ZKSCAN5: variants seen among roughly 807,000 people sequenced by gnomAD.
The protein encoded by ZKSCAN5 is zinc finger protein with KRAB and SCAN domains 5.
In ZKSCAN5, 28 loss-of-function variants were observed where a neutral mutation model predicts 60.0. That is an observed-to-expected ratio of 0.47 (90% CI 0.35 to 0.64). ZKSCAN5 has a LOEUF of 0.64. Among genes scored for constraint, ZKSCAN5 ranks in the 30% least tolerant of loss-of-function variants. The pLI, the probability that ZKSCAN5 is intolerant of heterozygous loss-of-function variation, is 0.01. For missense variants in ZKSCAN5, 881 were observed against 1,034.6 expected (o/e 0.85, Z 2.04); for synonymous variants, 361 against 371.2 (o/e 0.97, Z 0.31).
intron 3 of ZKSCAN5, among the ~76,000 whole-genome samples, chr7:99,513,992 C>T (rs1801158084): frequency 6.6e-6 from 1 of 152,164 alleles, no homozygotes; most frequent in Non-Finnish European, 1.5e-5. Flanking sequence ...TTGCAGTGAG[C>T]TGAGACCGTG....
At chr7:99,518,054 G>A (rs12533251) in intron 3 of ZKSCAN5, among the ~76,000 whole-genome samples, 27,209 of 151,980 alleles carry the variant, frequency 0.18, 3,937 homozygotes, top group African/African-American at 0.4. Flanking sequence ...TGGAAATTCT[G>A]GAAGGGATTT....
rs183577685 is a variant in ZKSCAN5, at chr7:99,507,665, T to G, written c.414+1207T>G. ...CTGTAATCCCAGCATTTTGGGCACC[T>G]GAGGTGGGAGGATCACTTAAGACCA... On this transcript the variant is annotated intron_variant, in intron 2 of 6. Transcript: ENST00000326775. Among the ~76,000 whole-genome samples the G allele has an allele frequency of 2.9e-3, 433 of 151,446 alleles. 1 individual carries two copies. Among genetic ancestry groups the G allele is most frequent in the African/African-American group, 0.01 (421 of 41,284 alleles).
intron 3 of ZKSCAN5, among the ~76,000 whole-genome samples, chr7:99,513,581 A>G (rs1326039012): frequency 6.6e-6 from 1 of 151,974 alleles, no homozygotes; most frequent in African/African-American, 2.4e-5. Context: ...TTTAGTAAAG[A>G]TGGGGTTTCA....
In ZKSCAN5 at chr7:99,526,112, G is replaced by T; in HGVS notation, c.1072G>T (p.Ala358Ser). 3.7e-6 allele frequency: 6 copies of T among 1,614,210 alleles called. No individual in the cohort carries two copies. The highest frequency in any genetic ancestry group is 5.1e-6 in the Non-Finnish European group (6 of 1,180,038). Reference protein sequence around the residue: ...CSDCGKFFLQASNFIQHRRIH... With the variant: ...CSDCGKFFLQSSNFIQHRRIH... ...CGATTGTGGCAAATTCTTCCTCCAA[G>T]CCTCAAACTTTATTCAGCATCGGCG... Residue 358 changes from alanine to serine, a missense_variant, in exon 6 of 7, where the codon GCC (alanine) becomes TCC (serine). Ala to Ser is a moderately conservative substitution (Grantham distance 99). Transcript: ENST00000326775.
At chr7:99,519,494 C>T in intron 3 of ZKSCAN5, among the ~76,000 whole-genome samples, 1 of 151,808 alleles carries the variant, frequency 6.6e-6, no homozygotes. Context: ...GCCAGGATGG[C>T]CTTGAATCCT....
chr7:99,520,155 A>ATC lies in ZKSCAN5; in HGVS notation c.637-11_637-10dup, dbSNP rs768291151. 6.2e-7 allele frequency: 1 copy of ATC among 1,612,174 alleles called. No individual in the cohort carries two copies. Among genetic ancestry groups the ATC allele is most frequent in the South Asian group, 1.1e-5 (1 of 90,680 alleles). ...CATAGGGAATGAGAATTTAGTGGAG[A>ATC]TCTCCTGTTTCAGAAGTTGGTGAAA... is the stretch of plus-strand genomic sequence containing the variant. On this transcript the variant is annotated splice_polypyrimidine_tract_variant and intron_variant, in intron 4 of 6. Transcript: ENST00000326775.
chr7:99,528,185 G>T (rs1435751168), intron 6 of ZKSCAN5, among the ~76,000 whole-genome samples: 2 of 149,826 alleles, frequency 1.3e-5, no homozygotes. Context: ...TTCCACCATG[G>T]CACAGAAGTC....
intron 5 of ZKSCAN5, among the ~76,000 whole-genome samples, chr7:99,522,729 C>T (rs1456704070): frequency 6.6e-6 from 1 of 151,812 alleles, no homozygotes; most frequent in Non-Finnish European, 1.5e-5. Context: ...TCAGGTGATC[C>T]AACCACCTCG....
chr7:99,513,949 G>T (rs957342751), intron 3 of ZKSCAN5, among the ~76,000 whole-genome samples: 14 of 152,066 alleles, frequency 9.2e-5, no homozygotes, highest in Non-Finnish European at 1.8e-4. Context: ...GGAGGCTGAG[G>T]CATGAGAATC....
intron 3 of ZKSCAN5, among the ~76,000 whole-genome samples, chr7:99,519,188 C>G (rs1202576819): frequency 1.3e-5 from 2 of 151,440 alleles, no homozygotes; most frequent in Non-Finnish European, 2.9e-5. Context: ...ACAGGCCGGG[C>G]TGGTCTCGAA....
chr7:99,527,851 AT>A (rs1282595089), intron 6 of ZKSCAN5, among the ~76,000 whole-genome samples: 1 of 150,814 alleles, frequency 6.6e-6, no homozygotes, highest in African/African-American at 2.4e-5. Context: ...TACCTGGCTA[AT>A]TTTTTTTTGT....
intron 2 of ZKSCAN5, among the ~76,000 whole-genome samples, chr7:99,508,815 CTTTT>C (rs1411652129): frequency 1.6e-5 from 2 of 126,748 alleles, no homozygotes; most frequent in Admixed American, 7.9e-5. Flanking sequence ...TTCTTTCTTT[CTTTT>C]TTTTTTTTTT....
At chr7:99,511,537 G>C (rs1801025998) in intron 2 of ZKSCAN5, among the ~76,000 whole-genome samples, 1 of 151,724 alleles carries the variant, frequency 6.6e-6, no homozygotes, top group African/African-American at 2.4e-5. Flanking sequence ...TGACCTCCTG[G>C]GCTCAAGCGA....
chr7:99,521,533 G>A (rs1801540867), intron 5 of ZKSCAN5, among the ~76,000 whole-genome samples: 1 of 152,078 alleles, frequency 6.6e-6, no homozygotes, highest in Admixed American at 6.6e-5. Context: ...CATTATGTCA[G>A]TTTACATTGT....
chr7:99,519,953 C>T (rs1251838740), intron 4 of ZKSCAN5, 44 bp downstream of exon 4: 1 of 1,601,088 alleles, frequency 6.2e-7, no homozygotes, highest in South Asian at 1.1e-5. Flanking sequence ...CCATCCTGAA[C>T]CTTCACCAAG....
chr7:99,518,925 C>T (rs1294602685), intron 3 of ZKSCAN5, among the ~76,000 whole-genome samples: 92 of 150,566 alleles, frequency 6.1e-4, no homozygotes, highest in Non-Finnish European at 9.1e-4. Flanking sequence ...CTGCCTGCCT[C>T]GGCCTCCCAA....
Position 99,506,343 on chromosome 7 carries a change from C to A in ZKSCAN5, c.299C>A (p.Thr100Asn), listed in dbSNP as rs1214000557. ...CTGCTGGTGCTGGAGCAGTTCCTGACCATCCTGCCTGAAGAGTTCCAGCCC... is the reference window on the plus strand; with the variant it reads ...CTGCTGGTGCTGGAGCAGTTCCTGAACATCCTGCCTGAAGAGTTCCAGCCC... ...LELLVLEQFL[T>N]ILPEEFQPWV... The change falls in exon 2 of 7, where the codon ACC (threonine) becomes AAC (asparagine). Residue 100 changes from threonine (T) to asparagine (N), a missense_variant. Thr to Asn is a moderately conservative substitution (Grantham distance 65). Coordinates refer to ENST00000326775, the MANE Select transcript of ZKSCAN5 (RefSeq NM_145102.4). 6.2e-7 allele frequency: 1 copy of A among 1,614,204 alleles called. No individual in the cohort carries two copies. The highest frequency in any genetic ancestry group is 1.3e-5 in the African/African-American group (1 of 75,054).
chr7:99,519,816 T>C lies in ZKSCAN5; in HGVS notation c.554-11T>C, dbSNP rs1288614286. On this transcript the variant is annotated splice_polypyrimidine_tract_variant and intron_variant, in intron 3 of 6. Transcript: ENST00000326775. Reference sequence around the variant, plus strand: ...ATGTTCTCACTTAAACCTCTTTTTCTCCTCCCTTAGCCCTTCCTGTTCTCC... The same window carrying C: ...ATGTTCTCACTTAAACCTCTTTTTCCCCTCCCTTAGCCCTTCCTGTTCTCC... 1 of 1,612,874 alleles carries C rather than the reference T, an allele frequency of 6.2e-7. No homozygotes were observed. The highest frequency in any genetic ancestry group is 8.5e-7 in the Non-Finnish European group (1 of 1,179,456).
rs1800722041 is a variant in ZKSCAN5, at chr7:99,506,281, G to C, written c.237G>C (p.Leu79=). 1.2e-6 allele frequency: 2 copies of C among 1,614,220 alleles called. No homozygotes were observed. Among genetic ancestry groups the C allele is most frequent in the East Asian group, 4.5e-5 (2 of 44,890 alleles). ...SQLRVLCCEW[L]RPELHTKEQI... is the part of the protein sequence containing the mutation. ...TCCGGGTGCTCTGCTGTGAGTGGCT[G>C]AGGCCCGAGCTGCACACGAAGGAGC... Residue 79 remains leucine (L), a synonymous_variant, in exon 2 of 7, where the codon CTG becomes CTC. Transcript: ENST00000326775.
Sources: allele counts gnomAD v4.1 joint callset (sites outside exome capture counted in the v4.1 genomes callset), GRCh38; gene constraint gnomAD v4.1.1; transcripts MANE v1.5; gene names NCBI Gene and HGNC (gene_info 2026-07-23, HGNC 2026-07-21).